C1orf141: variants seen among roughly 807,000 people sequenced by gnomAD.
The protein encoded by C1orf141 is chromosome 1 open reading frame 141.
In C1orf141, 19 loss-of-function variants were observed where a neutral mutation model predicts 23.2. The ratio of observed to expected loss-of-function variants is 0.82; its 90% CI spans 0.57 to 1.20. C1orf141 has a LOEUF of 1.20. C1orf141 is among the 50% of genes most tolerant of loss of function. The pLI is 0.00. For missense variants in C1orf141, 469 were observed against 455.1 expected, an observed-to-expected ratio of 1.03 and a Z score of -0.28; for synonymous variants, 153 against 154.6, an observed-to-expected ratio of 0.99 and a Z score of 0.08.
chr1:67,125,816 A>T lies in C1orf141; in HGVS notation c.169T>A (p.Ser57Thr). ...ATCTTTGATATTGCCTTAGACGCGG[A>T]TGTAGCAAGAGCTTCTTCAAATTCC... ...QLEFEEALAT[S>T]ASKAISKIKE... The change falls in exon 4 of 8, where the codon TCC becomes ACC. Residue 57 changes from serine to threonine, a missense_variant. Coordinates refer to ENST00000684719, the MANE Select transcript of C1orf141 (RefSeq NM_001276351.2). The T allele has an allele frequency of 6.2e-7, 1 of 1,613,508 alleles. No individual in the cohort carries two copies. Among genetic ancestry groups the T allele is most frequent in the South Asian group, 1.1e-5 (1 of 91,066 alleles).
upstream of C1orf141, among the ~76,000 whole-genome samples, chr1:67,137,785 G>A (rs933095324): frequency 6.6e-5 from 10 of 152,238 alleles, no homozygotes; most frequent in Admixed American, 1.3e-4. Context: ...GGGCAAGAGA[G>A]TCTTTCCTAT....
intron 2 of C1orf141, among the ~76,000 whole-genome samples, chr1:67,127,839 T>G (rs760113668): frequency 5.5e-4 from 83 of 152,210 alleles, no homozygotes; most frequent in Non-Finnish European, 1.0e-3. Context: ...TTCATCATGT[T>G]GGCCAGGCTG....
At chr1:67,126,532 T>C (rs972902643) in intron 3 of C1orf141, among the ~76,000 whole-genome samples, 1 of 152,236 alleles carries the variant, frequency 6.6e-6, no homozygotes, top group Non-Finnish European at 1.5e-5. Context: ...CTTCTGCTTC[T>C]GCCAATAGAT....
At chr1:67,133,796 G>T (rs545684410) in intron 1 of C1orf141, among the ~76,000 whole-genome samples, 1 of 152,210 alleles carries the variant, frequency 6.6e-6, no homozygotes, top group Admixed American at 6.5e-5. Context: ...CGAGGCCTCT[G>T]AAGAAAACAA....
chr1:67,107,489 T>TA (rs1429021572), intron 5 of C1orf141, among the ~76,000 whole-genome samples: 1 of 152,136 alleles, frequency 6.6e-6, no homozygotes, highest in African/African-American at 2.4e-5. Flanking sequence ...ATGCTGTATA[T>TA]AAAAAATGTA....
chr1:67,093,606 T>A lies in C1orf141; in HGVS notation c.604-2A>T. 6.5e-7 allele frequency: 1 copy of A among 1,534,662 alleles called. No individual in the cohort carries two copies. The highest frequency in any genetic ancestry group is 2.3e-5 in the East Asian group (1 of 43,868). ...TATGGGATTTGTGTCCTTTTGTTCCTGTAGATTAAAGAAAAGAATAATTAG... is the reference window on the plus strand; with the variant it reads ...TATGGGATTTGTGTCCTTTTGTTCCAGTAGATTAAAGAAAAGAATAATTAG... On this transcript the variant is annotated splice_acceptor_variant, in intron 7 of 7. Coordinates refer to ENST00000684719, the MANE Select transcript of C1orf141 (RefSeq NM_001276351.2). LOFTEE classifies it high-confidence loss of function.
intron 5 of C1orf141, among the ~76,000 whole-genome samples, chr1:67,104,301 G>A (rs1477280584): frequency 6.6e-6 from 1 of 152,116 alleles, no homozygotes; most frequent in African/African-American, 2.4e-5. Context: ...TGCAGGCGAG[G>A]TCAACAGCAT....
At chr1:67,102,370 CT>C (rs1386509872) in intron 5 of C1orf141, among the ~76,000 whole-genome samples, 2 of 149,648 alleles carry the variant, frequency 1.3e-5, no homozygotes, top group African/African-American at 4.9e-5. Flanking sequence ...GCATTTCTTA[CT>C]GTGGCCATGT....
intron 5 of C1orf141, among the ~76,000 whole-genome samples, chr1:67,103,983 T>C (rs2102435670): frequency 6.6e-6 from 1 of 152,218 alleles, no homozygotes; most frequent in East Asian, 1.9e-4. Context: ...CAAATAAATG[T>C]TTAGAACCCA....
chr1:67,093,186 CTCATT>C lies in C1orf141; in HGVS notation c.1017_1021del (p.Met340CysfsTer7), dbSNP rs200104842. 9.1e-3 allele frequency: 14,700 copies of C among 1,613,812 alleles called. 79 individuals are homozygous for C. The highest frequency in any genetic ancestry group is 0.011 in the Non-Finnish European group (12,710 of 1,179,812). On this transcript the variant is annotated frameshift_variant, in exon 8 of 8. Coordinates refer to ENST00000684719, the MANE Select transcript of C1orf141 (RefSeq NM_001276351.2). LOFTEE classifies it low-confidence loss of function (END_TRUNC). Reference sequence around the variant, plus strand: ...TCTTTCAAATTTTCCAGTTTGGGCACTCATTTCATGAATAACAGCTTTATCAAGGT... The same window carrying C: ...TCTTTCAAATTTTCCAGTTTGGGCACTCATGAATAACAGCTTTATCAAGGT...
upstream of C1orf141, among the ~76,000 whole-genome samples, chr1:67,139,609 C>G (rs541246998): frequency 3.2e-3 from 489 of 152,308 alleles, 5 homozygotes; most frequent in African/African-American, 0.012. Context: ...TAAACATATT[C>G]ATTTGTATAG....
At chr1:67,117,876 A>C (rs1646226759) in intron 4 of C1orf141, among the ~76,000 whole-genome samples, 1 of 152,236 alleles carries the variant, frequency 6.6e-6, no homozygotes, top group Non-Finnish European at 1.5e-5. Flanking sequence ...CTTACTTTGC[A>C]TCTTGACTCT....
chr1:67,102,145 C>T (rs902466738), intron 5 of C1orf141, among the ~76,000 whole-genome samples: 1 of 151,990 alleles, frequency 6.6e-6, no homozygotes. Flanking sequence ...TTTAGTGTAT[C>T]CTGAACAGCA....
At chr1:67,140,960 AT>A (rs952554516) in intron 1 of C1orf141, among the ~76,000 whole-genome samples, 1 of 152,044 alleles carries the variant, frequency 6.6e-6, no homozygotes, top group Non-Finnish European at 1.5e-5. Context: ...ACCCAGTTAT[AT>A]TTTTTTCCAA....
At chr1:67,097,821 G>A (rs957232795) in intron 5 of C1orf141, among the ~76,000 whole-genome samples, 8 of 152,172 alleles carry the variant, frequency 5.3e-5, no homozygotes, top group African/African-American at 1.9e-4. Flanking sequence ...AGCAGTGTAA[G>A]TGGTGGGAAA....
At chr1:67,100,661 T>A (rs1240920568) in intron 5 of C1orf141, among the ~76,000 whole-genome samples, 1 of 152,152 alleles carries the variant, frequency 6.6e-6, no homozygotes, top group Non-Finnish European at 1.5e-5. Context: ...GTCCCATGAT[T>A]TGTTCTTATT....
chr1:67,098,005 G>C (rs1027035692), intron 5 of C1orf141, among the ~76,000 whole-genome samples: 2 of 152,128 alleles, frequency 1.3e-5, no homozygotes, highest in African/African-American at 4.8e-5. Context: ...GGCTAACCTG[G>C]AACTAAGTCA....
chr1:67,105,908 G>A (rs775849656), intron 5 of C1orf141, among the ~76,000 whole-genome samples: 1 of 152,142 alleles, frequency 6.6e-6, no homozygotes, highest in Non-Finnish European at 1.5e-5. Context: ...AAACAGAGCT[G>A]CTGGAAAGTG....
chr1:67,119,732 G>T (rs1646263338), intron 4 of C1orf141, among the ~76,000 whole-genome samples: 1 of 152,114 alleles, frequency 6.6e-6, no homozygotes, highest in Admixed American at 6.6e-5. Flanking sequence ...CAGAGAAAGT[G>T]GGAAAAAATG....
Sources: allele counts gnomAD v4.1 joint callset (sites outside exome capture counted in the v4.1 genomes callset), GRCh38; gene constraint gnomAD v4.1.1; transcripts MANE v1.5; gene names NCBI Gene and HGNC (gene_info 2026-07-23, HGNC 2026-07-21).